The following SHANK2 variants were observed in gnomAD, a reference collection of about 807,000 sequenced individuals.
SHANK2 encodes SH3 and multiple ankyrin repeat domains 2.
In SHANK2, 43 loss-of-function variants were observed where a neutral mutation model predicts 133.7. The observed-to-expected ratio is 0.32, with a 90% CI of 0.25 to 0.41. SHANK2 has a LOEUF of 0.41. Among genes scored for constraint, SHANK2 ranks in the 10% least tolerant of loss-of-function variants. The pLI is 1.00. For missense variants in SHANK2, 1,994 were observed against 2,235.8 expected, an observed-to-expected ratio of 0.89 and a Z score of 2.18; for synonymous variants, 1,017 against 952.8, an observed-to-expected ratio of 1.07 and a Z score of -1.24.
intron 14 of SHANK2, among the ~76,000 whole-genome samples, chr11:70,773,769 T>C (rs375828391): frequency 6.6e-6 from 1 of 152,176 alleles, no homozygotes; most frequent in African/African-American, 2.4e-5. Context: ...AAAACCACAA[T>C]GATATATAGG....
At chr11:70,638,709 A>C (rs2061138348) in intron 17 of SHANK2, among the ~76,000 whole-genome samples, 1 of 152,238 alleles carries the variant, frequency 6.6e-6, no homozygotes, top group East Asian at 1.9e-4. Flanking sequence ...GCTTTGGTCA[A>C]AAAAGTTGAG....
At chr11:70,707,638 A>G (rs1945695062) in intron 14 of SHANK2, among the ~76,000 whole-genome samples, 2 of 152,126 alleles carry the variant, frequency 1.3e-5, no homozygotes, top group Non-Finnish European at 2.9e-5. Flanking sequence ...AGTTTTCTCA[A>G]CTGTGCCCTG....
chr11:70,473,253 C>T lies in SHANK2; in HGVS notation c.5166G>A (p.Leu1722=). ...VSPTEMNKET[L]PAPLSAATAS... is the part of the protein sequence containing the mutation. ...CGGTGGCAGCAGACAGGGGGGCGGG[C>T]AGGGTCTCTTTGTTCATCTCTGTTG... is the stretch of plus-strand genomic sequence containing the variant. The change falls in exon 26 of 26, where the codon CTG becomes CTA. Residue 1722 remains leucine (L), a synonymous_variant. Transcript: ENST00000601538. The surrounding 1 kb of genome is among the most constrained non-coding windows in gnomAD (Gnocchi z 5.9). The T allele has an allele frequency of 2.5e-6, 4 of 1,610,566 alleles. No homozygotes were observed. The highest frequency in any genetic ancestry group is 3.4e-6 in the Non-Finnish European group (4 of 1,177,118).
rs905205460 is a variant in SHANK2 at position 70,738,184 on chromosome 11, G to C, written c.1778-39421C>G. Among the ~76,000 whole-genome samples, 6 of 152,402 alleles carry C rather than the reference G, an allele frequency of 3.9e-5. No individual in the cohort carries two copies. The East Asian group carries it at 1.2e-3, about 29-fold the overall frequency. ...TCAGCACACATTCCAGGAGGGGCTT[G>C]GCAGCAATGCCACGAGTTTCAAAAC... On this transcript the variant is annotated intron_variant, in intron 14 of 25. Coordinates refer to ENST00000601538, the MANE Select transcript of SHANK2 (RefSeq NM_012309.5).
chr11:70,815,942 C>T (rs984701628), intron 12 of SHANK2, among the ~76,000 whole-genome samples: 2 of 152,228 alleles, frequency 1.3e-5, no homozygotes, highest in Admixed American at 1.3e-4. Flanking sequence ...CCTCCCTGCC[C>T]AGGACAGTCG....
intron 14 of SHANK2, among the ~76,000 whole-genome samples, chr11:70,750,596 C>A (rs574461942): frequency 1.3e-5 from 2 of 152,078 alleles, no homozygotes; most frequent in African/African-American, 4.8e-5. Flanking sequence ...TCCATGGACA[C>A]GGAAAATGTC....
intron 9 of SHANK2, among the ~76,000 whole-genome samples, chr11:71,074,735 T>C (rs964339067): frequency 0.019 from 2,895 of 151,698 alleles, 33 homozygotes; most frequent in Non-Finnish European, 0.031. Context: ...AGGGGCTTAG[T>C]ATATTTTGTT....
intron 13 of SHANK2, among the ~76,000 whole-genome samples, chr11:70,803,876 C>T (rs1390664499): frequency 6.6e-6 from 1 of 151,854 alleles, no homozygotes; most frequent in African/African-American, 2.4e-5. Context: ...TTTTGGGCAC[C>T]CCTTATTTTA....
At chr11:71,180,052 A>C (rs532834359) in intron 2 of SHANK2, among the ~76,000 whole-genome samples, 7 of 152,324 alleles carry the variant, frequency 4.6e-5, no homozygotes, top group African/African-American at 1.7e-4. Context: ...GGGAGCTGAC[A>C]ACCAGTGTTC....
intron 14 of SHANK2, among the ~76,000 whole-genome samples, chr11:70,718,700 C>CTTTTTTTTTTTTTTTTTTT (rs60414874): frequency 7.7e-6 from 1 of 129,784 alleles, no homozygotes. Context: ...AGCTCATTCT[C>CTTTTTTTTTTTTTTTTTTT]TTTTTTTTTT....
At chr11:71,251,132 C>A (rs1555125779) in intron 1 of SHANK2, among the ~76,000 whole-genome samples, 2 of 151,690 alleles carry the variant, frequency 1.3e-5, no homozygotes, top group African/African-American at 2.4e-5. Context: ...CTGGCTCGAG[C>A]GCCTTCTCAG....
At chr11:71,063,945 G>A (rs1169906859) in intron 9 of SHANK2, among the ~76,000 whole-genome samples, 3 of 151,968 alleles carry the variant, frequency 2.0e-5, no homozygotes, top group African/African-American at 7.3e-5. Context: ...TGGACCCCCA[G>A]ACCCCATCAT....
chr11:70,487,307 C>G lies in SHANK2; in HGVS notation c.2986G>C (p.Ala996Pro), dbSNP rs782082943. 6.2e-7 allele frequency: 1 copy of G among 1,614,082 alleles called. No individual in the cohort carries two copies. The change falls in exon 25 of 26, where the codon GCC becomes CCC. Residue 996 changes from alanine to proline, a missense_variant. Around this residue, in one of 5 missense-constraint regions of SHANK2, gnomAD observed 488 missense variants for 642.6 expected, o/e 0.76. Coordinates refer to ENST00000601538, the MANE Select transcript of SHANK2 (RefSeq NM_012309.5). This position sits in a 1 kb window ranked among gnomAD's most constrained non-coding sequence, Gnocchi z 5.8. Reference sequence around the variant, plus strand: ...GCGGGGACGTAGACGGCTTTGCTGGCGATCTTCCCCACCTCTGAGTATGGG... The same window carrying G: ...GCGGGGACGTAGACGGCTTTGCTGGGGATCTTCCCCACCTCTGAGTATGGG... The part of the protein sequence containing the change: ...ENPYSEVGKI[A>P]SKAVYVPAKP...
chr11:70,766,484 T>C (rs1555041419), intron 14 of SHANK2, among the ~76,000 whole-genome samples: 1 of 152,182 alleles, frequency 6.6e-6, no homozygotes, highest in Non-Finnish European at 1.5e-5. Context: ...ATATGGATAT[T>C]TGGATTTTTG....
chr11:70,491,899 G>A (rs2058891533), intron 22 of SHANK2, among the ~76,000 whole-genome samples: 1 of 152,192 alleles, frequency 6.6e-6, no homozygotes, highest in African/African-American at 2.4e-5. Flanking sequence ...TGGCTCCGAG[G>A]ACAAGTGTTG....
At chr11:70,638,175 C>G (rs1322256114) in intron 17 of SHANK2, among the ~76,000 whole-genome samples, 2 of 151,850 alleles carry the variant, frequency 1.3e-5, no homozygotes, top group African/African-American at 4.8e-5. Flanking sequence ...CTGCTCAGAG[C>G]AGGAGCTTAG....
At position 70,659,809 on chromosome 11, in the gene SHANK2, C is replaced by G. The variant is rs55873054; in HGVS notation, c.2061+19G>C. The G allele has an allele frequency of 6.2e-7, 1 of 1,614,086 alleles. No individual in the cohort carries two copies. The highest frequency in any genetic ancestry group is 8.5e-7 in the Non-Finnish European group (1 of 1,180,004). On this transcript the variant is annotated intron_variant, in intron 17 of 25. Coordinates refer to ENST00000601538, the MANE Select transcript of SHANK2 (RefSeq NM_012309.5). ...GGCGCTCTCCCCAAGCAGAAAGATA[C>G]AGACACCTGTGTCCCTACCTCAATC...
chr11:70,552,140 T>C (rs7941537), intron 17 of SHANK2, among the ~76,000 whole-genome samples: 120,412 of 152,222 alleles, frequency 0.79, 48,068 homozygotes, highest in Middle Eastern at 0.89. Context: ...AGGAGGAGGC[T>C]TTGACCTCGG....
intron 17 of SHANK2, among the ~76,000 whole-genome samples, chr11:70,632,954 G>A (rs1294855586): frequency 6.6e-6 from 1 of 151,936 alleles, no homozygotes; most frequent in Non-Finnish European, 1.5e-5. Context: ...TGCATGGAGC[G>A]TTGATGGATA....
Sources: gnomAD v4.1 joint callset for allele counts (sites outside exome capture counted in the v4.1 genomes callset) on GRCh38, gnomAD v4.1.1 for gene constraint, gnomAD v4.1.1 regional missense constraint, Gnocchi (gnomAD v3.1) non-coding constraint, MANE v1.5 for transcripts, NCBI Gene and HGNC (gene_info 2026-07-23, HGNC 2026-07-21) for gene names.